ASTN2: variants seen among roughly 807,000 people sequenced by gnomAD.
ASTN2 encodes astrotactin-2.
Under a neutral mutation model 139.8 loss-of-function variants are expected in ASTN2, and 54 were observed. The ratio of observed to expected loss-of-function variants is 0.39; its 90% CI spans 0.31 to 0.48. The LOEUF (loss-of-function observed/expected upper bound fraction) is 0.48. ASTN2 is among the 20% of genes least tolerant of loss of function. The pLI, the probability that ASTN2 is intolerant of heterozygous loss-of-function variation, is 0.95. For synonymous variants in ASTN2, 756 were observed against 719.5 expected, an observed-to-expected ratio of 1.05 and a Z score of -0.81; for missense variants, 1,565 against 1,725.1, an observed-to-expected ratio of 0.91 and a Z score of 1.64.
At chr9:116,493,685 G>A (rs1417507373) in intron 19 of ASTN2, among the ~76,000 whole-genome samples, 1 of 151,762 alleles carries the variant, frequency 6.6e-6, no homozygotes, top group Non-Finnish European at 1.5e-5. Context: ...TCACCCTCTT[G>A]CTTCTGAATG....
intron 19 of ASTN2, among the ~76,000 whole-genome samples, chr9:116,500,410 T>C (rs956551410): frequency 2.0e-5 from 3 of 152,188 alleles, no homozygotes; most frequent in African/African-American, 7.2e-5. Flanking sequence ...TAACCCCTGA[T>C]CCCGTGCTGC....
At chr9:117,038,451 A>C (rs1434491166) in intron 6 of ASTN2, among the ~76,000 whole-genome samples, 2 of 152,162 alleles carry the variant, frequency 1.3e-5, no homozygotes, top group East Asian at 3.9e-4. Context: ...TTATCTGTGT[A>C]GATTCATATG....
intron 1 of ASTN2, among the ~76,000 whole-genome samples, chr9:117,312,147 C>T (rs1261495535): frequency 6.6e-6 from 1 of 152,170 alleles, no homozygotes; most frequent in African/African-American, 2.4e-5. Flanking sequence ...GAAAGAAATG[C>T]CCTTCTTCCC....
chr9:117,264,385 G>A (rs1393972295), intron 2 of ASTN2, among the ~76,000 whole-genome samples: 3 of 152,124 alleles, frequency 2.0e-5, no homozygotes, highest in African/African-American at 7.2e-5. Context: ...GCTGCCTGAT[G>A]TTGGGCAACT....
At chr9:117,080,208 C>CT (rs970168241) in intron 5 of ASTN2, among the ~76,000 whole-genome samples, 4 of 152,092 alleles carry the variant, frequency 2.6e-5, no homozygotes, top group African/African-American at 7.2e-5. Flanking sequence ...CTACATATTT[C>CT]TTTTTTAAAT....
At chr9:116,532,144 T>G (rs146648901) in intron 19 of ASTN2, among the ~76,000 whole-genome samples, 1,981 of 152,360 alleles carry the variant, frequency 0.013, 37 homozygotes, top group African/African-American at 0.045. Flanking sequence ...GCATGTGTCT[T>G]TTGGCTGCAT....
At chr9:116,571,304 G>A (rs1853502196) in intron 19 of ASTN2, among the ~76,000 whole-genome samples, 1 of 152,178 alleles carries the variant, frequency 6.6e-6, no homozygotes, top group African/African-American at 2.4e-5. Flanking sequence ...GCAGAGAGGG[G>A]AAAGAGACCA....
chr9:117,203,483 T>G (rs1017823156), intron 3 of ASTN2, among the ~76,000 whole-genome samples: 3 of 152,172 alleles, frequency 2.0e-5, no homozygotes, highest in Admixed American at 2.0e-4. Flanking sequence ...TTGTCTAGTT[T>G]TAGTCTTTGA....
In ASTN2 at chr9:117,276,317, G is replaced by A. The variant is rs147462829; in HGVS notation, c.630+15009C>T. On this transcript the variant is annotated intron_variant, in intron 2 of 22. Coordinates refer to ENST00000313400, the MANE Select transcript of ASTN2 (RefSeq NM_001365068.1). ...GGTTATCAAAAGGCTGAGAGATCCC[G>A]TCCAACAGACTCTCCTCTCCCATAC... Among the ~76,000 whole-genome samples, 47 of 152,222 alleles carry A rather than the reference G, an allele frequency of 3.1e-4. No individual in the cohort carries two copies. The East Asian group carries it at 6.8e-3, about 22-fold the overall frequency.
At chr9:116,889,542 T>C (rs928035880) in intron 10 of ASTN2, among the ~76,000 whole-genome samples, 4 of 151,934 alleles carry the variant, frequency 2.6e-5, no homozygotes, top group Admixed American at 6.6e-5. Context: ...ATTTTTTTTT[T>C]GTGCATCCTC....
Position 117,008,111 on chromosome 9 carries a change from C to G in ASTN2, c.1572G>C (p.Gln524His), listed in dbSNP as rs767894838. The part of the protein sequence containing the change: ...CGQRTTDACE[Q>H]LCDPETGECS... ...GCTCACCGGTTTCTGGGTCGCAGAG[C>G]TGCTCACAGGCATCTGTCGTCCTTT... The change falls in exon 7 of 23, where the codon CAG becomes CAC. Residue 524 changes from glutamine to histidine, a missense_variant. Gln to His is a conservative substitution (Grantham distance 24). Around this residue, in one of 4 missense-constraint regions of ASTN2, gnomAD observed 503 missense variants for 591.7 expected, o/e 0.85. Transcript: ENST00000313400. 2.5e-6 allele frequency: 4 copies of G among 1,597,554 alleles called. No individual in the cohort carries two copies. Among genetic ancestry groups the G allele is most frequent in the African/African-American group, 2.7e-5 (2 of 74,614 alleles).
intron 3 of ASTN2, among the ~76,000 whole-genome samples, chr9:117,195,097 A>T (rs10818010): frequency 0.97 from 148,298 of 152,314 alleles, 72,221 homozygotes; most frequent in Non-Finnish European, 0.99. Flanking sequence ...TCAGCCTACT[A>T]AGATAATTAA....
At chr9:116,680,826 C>G (rs1409814855) in intron 16 of ASTN2, among the ~76,000 whole-genome samples, 8 of 152,136 alleles carry the variant, frequency 5.3e-5, no homozygotes, top group South Asian at 2.1e-4. Flanking sequence ...ATTCAACAAC[C>G]TTCATGCTAA....
At chr9:116,740,155 G>A (rs939439105) in intron 13 of ASTN2, among the ~76,000 whole-genome samples, 4 of 152,350 alleles carry the variant, frequency 2.6e-5, no homozygotes, top group African/African-American at 9.6e-5. Context: ...GTGCATTCAG[G>A]TAGAGGTAGT....
At chr9:117,278,166 T>C (rs540572007) in intron 2 of ASTN2, among the ~76,000 whole-genome samples, 1 of 152,224 alleles carries the variant, frequency 6.6e-6, no homozygotes, top group African/African-American at 2.4e-5. Context: ...GGCGGAATCA[T>C]TGAATTAATG....
At chr9:117,102,239 T>A (rs1283364109) in intron 4 of ASTN2, among the ~76,000 whole-genome samples, 1 of 152,216 alleles carries the variant, frequency 6.6e-6, no homozygotes, top group Admixed American at 6.5e-5. Context: ...TGTGGATGAA[T>A]GTTGCAAATA....
chr9:116,842,584 A>G (rs1227888591), intron 11 of ASTN2, among the ~76,000 whole-genome samples: 1 of 151,966 alleles, frequency 6.6e-6, no homozygotes, highest in Non-Finnish European at 1.5e-5. Flanking sequence ...TCAATCTGTC[A>G]ACCAGGCCAG....
At chr9:117,225,365 G>A (rs1183820740) in intron 2 of ASTN2, among the ~76,000 whole-genome samples, 1 of 151,384 alleles carries the variant, frequency 6.6e-6, no homozygotes, top group Non-Finnish European at 1.5e-5. Context: ...AATGGAGAAG[G>A]TAGGGGAAAA....
rs547462395 is a variant in ASTN2, at chr9:116,707,974, C to T, written c.2806+17797G>A. On this transcript the variant is annotated intron_variant, in intron 16 of 22. Coordinates refer to ENST00000313400, the MANE Select transcript of ASTN2 (RefSeq NM_001365068.1). ...TAGCACCCATTAACTTAAAATATCC[C>T]ATAGTGGGCATGGATGCTCTAACCC... Among the ~76,000 whole-genome samples, 19 of 152,266 alleles carry T rather than the reference C, an allele frequency of 1.2e-4. No individual in the cohort carries two copies. In the East Asian group the frequency reaches 3.7e-3, roughly 29 times the overall value.
Sources: allele counts gnomAD v4.1 joint callset (sites outside exome capture counted in the v4.1 genomes callset), GRCh38; gene constraint gnomAD v4.1.1; regional missense constraint gnomAD v4.1.1; transcripts MANE v1.5; gene names NCBI Gene and HGNC (gene_info 2026-07-23, HGNC 2026-07-21).